The following MTUS2 variants were observed in gnomAD, a reference collection of about 807,000 sequenced individuals.
The protein encoded by MTUS2 is microtubule associated scaffold protein 2, also known as microtubule-associated tumor suppressor candidate 2.
Under a neutral mutation model 114.1 loss-of-function variants are expected in MTUS2, and 40 were observed. The ratio of observed to expected loss-of-function variants is 0.35; its 90% CI spans 0.27 to 0.46. The LOEUF (loss-of-function observed/expected upper bound fraction) is 0.46. MTUS2 is among the 20% of genes least tolerant of loss of function. The pLI, the probability that MTUS2 is intolerant of heterozygous loss-of-function variation, is 1.00. For synonymous variants in MTUS2, 688 were observed against 672.0 expected (o/e 1.02, Z -0.37); for missense variants, 1,679 against 1,705.4 (o/e 0.98, Z 0.27).
intron 1 of MTUS2, among the ~76,000 whole-genome samples, chr13:28,827,562 TGTGA>T (rs1874350502): frequency 2.6e-5 from 4 of 152,188 alleles, no homozygotes; most frequent in Admixed American, 2.6e-4. Flanking sequence ...AAAGCAGGAA[TGTGA>T]CCTGCAGCCA....
chr13:29,181,548 G>A (rs1894004963), intron 5 of MTUS2, among the ~76,000 whole-genome samples: 2 of 152,186 alleles, frequency 1.3e-5, no homozygotes. Context: ...TGGTTCTGGG[G>A]CAGGAGCTCC....
chr13:29,100,942 A>T lies in MTUS2; in HGVS notation c.2616A>T (p.Ala872=), dbSNP rs565089435. Residue 872 remains alanine, a synonymous_variant, in exon 5 of 16, where the codon GCA becomes GCT. Transcript: ENST00000612955. Reference sequence around the variant, plus strand: ...CCAGCACCCAGTCCGGGGACAGTGCACAGCCAGAGCAGGGCCGGCCAGCCA... The same window carrying T: ...CCAGCACCCAGTCCGGGGACAGTGCTCAGCCAGAGCAGGGCCGGCCAGCCA... ...SVSSTQSGDS[A]QPEQGRPATR... The T allele has an allele frequency of 5.7e-4, 901 of 1,575,196 alleles. 16 individuals carry two copies. In the South Asian group the frequency reaches 9.6e-3, roughly 17 times the overall value.
intron 9 of MTUS2, among the ~76,000 whole-genome samples, chr13:29,453,054 C>A (rs1331405214): frequency 1.3e-5 from 2 of 152,062 alleles, no homozygotes; most frequent in Non-Finnish European, 2.9e-5. Flanking sequence ...AGAAGCAAAC[C>A]CCAAATCACA....
At chr13:29,158,267 G>A (rs1892946233) in intron 5 of MTUS2, among the ~76,000 whole-genome samples, 1 of 150,676 alleles carries the variant, frequency 6.6e-6, no homozygotes, top group Non-Finnish European at 1.5e-5. Context: ...GGCACTGAGT[G>A]ACTTTCATGT....
intron 5 of MTUS2, among the ~76,000 whole-genome samples, chr13:29,198,202 G>A (rs1384780170): frequency 1.3e-5 from 2 of 152,138 alleles, no homozygotes; most frequent in Non-Finnish European, 2.9e-5. Context: ...TATGGGTTAA[G>A]GTCTTAGGTT....
chr13:29,331,624 C>A (rs1000535904), intron 7 of MTUS2, among the ~76,000 whole-genome samples: 5 of 152,180 alleles, frequency 3.3e-5, no homozygotes, highest in Non-Finnish European at 5.9e-5. Flanking sequence ...AGAGGGGATC[C>A]TTGTCTTGTG....
intron 1 of MTUS2, among the ~76,000 whole-genome samples, chr13:28,833,391 C>T (rs1040058149): frequency 1.3e-5 from 2 of 151,934 alleles, no homozygotes; most frequent in Non-Finnish European, 2.9e-5. Flanking sequence ...CTGAGGAAGG[C>T]AACTGGTTTA....
chr13:28,982,292 G>C (rs1199804818), intron 2 of MTUS2, among the ~76,000 whole-genome samples: 1 of 151,778 alleles, frequency 6.6e-6, no homozygotes, highest in African/African-American at 2.4e-5. Flanking sequence ...TTAGGGAAAT[G>C]CAAATCAAAG....
At chr13:29,173,447 A>C (rs1893643795) in intron 5 of MTUS2, among the ~76,000 whole-genome samples, 1 of 152,158 alleles carries the variant, frequency 6.6e-6, no homozygotes, top group African/African-American at 2.4e-5. Flanking sequence ...AATATTTTAG[A>C]ATTGGTTTAC....
At chr13:29,481,736 TCTTA>T (rs1325742679) in intron 10 of MTUS2, among the ~76,000 whole-genome samples, 1 of 151,768 alleles carries the variant, frequency 6.6e-6, no homozygotes, top group African/African-American at 2.4e-5. Context: ...TAAAAACCTC[TCTTA>T]CTTTATGGCA....
At chr13:28,854,158 C>G (rs1876478197) in intron 2 of MTUS2, among the ~76,000 whole-genome samples, 1 of 152,172 alleles carries the variant, frequency 6.6e-6, no homozygotes, top group Non-Finnish European at 1.5e-5. Flanking sequence ...TTACCCTAGA[C>G]CTCTGGAATC....
chr13:29,299,944 G>A (rs1899122327), intron 6 of MTUS2, among the ~76,000 whole-genome samples: 1 of 151,806 alleles, frequency 6.6e-6, no homozygotes. Context: ...AAATTCATTG[G>A]AACAATTTGA....
chr13:29,137,472 C>T (rs978413784), intron 5 of MTUS2, among the ~76,000 whole-genome samples: 1 of 152,096 alleles, frequency 6.6e-6, no homozygotes, highest in Non-Finnish European at 1.5e-5. Context: ...GGGACTACCG[C>T]AGTGTATTGC....
At chr13:29,499,480 T>C (rs779116331) in intron 14 of MTUS2, among the ~76,000 whole-genome samples, 21 of 152,230 alleles carry the variant, frequency 1.4e-4, no homozygotes, top group Non-Finnish European at 2.4e-4. Context: ...AAAGTAAATA[T>C]GTGTACTGTG....
intron 5 of MTUS2, among the ~76,000 whole-genome samples, chr13:29,275,368 A>G (rs1452937021): frequency 6.6e-6 from 1 of 152,226 alleles, no homozygotes; most frequent in Non-Finnish European, 1.5e-5. Context: ...TCTTTGTGTT[A>G]TAAACAATCT....
At chr13:28,972,158 A>G (rs1883887381) in intron 2 of MTUS2, among the ~76,000 whole-genome samples, 1 of 152,210 alleles carries the variant, frequency 6.6e-6, no homozygotes, top group African/African-American at 2.4e-5. Context: ...ACTTCTCAGC[A>G]TCTTAGATCT....
At chr13:29,018,165 G>A (rs750027151) in intron 2 of MTUS2, among the ~76,000 whole-genome samples, 1 of 152,156 alleles carries the variant, frequency 6.6e-6, no homozygotes, top group Non-Finnish European at 1.5e-5. Flanking sequence ...GTAGGAGGAT[G>A]ATTTTACAGG....
chr13:29,389,617 GTGTA>G (rs1211006396), intron 8 of MTUS2, among the ~76,000 whole-genome samples: 2 of 56,652 alleles, frequency 3.5e-5, no homozygotes, highest in Admixed American at 2.4e-4. Flanking sequence ...ATACATATGT[GTGTA>G]TATATGTATA....
intron 2 of MTUS2, among the ~76,000 whole-genome samples, chr13:28,850,461 A>G (rs1218226530): frequency 6.6e-6 from 1 of 152,236 alleles, no homozygotes. Context: ...GCATTCTGTC[A>G]GTCTCACCAG....
Sources: gnomAD v4.1 joint callset for allele counts (sites outside exome capture counted in the v4.1 genomes callset) on GRCh38, gnomAD v4.1.1 for gene constraint, MANE v1.5 for transcripts, NCBI Gene and HGNC (gene_info 2026-07-23, HGNC 2026-07-21) for gene names.